The following TRAF1 variants were observed in gnomAD, a reference collection of about 807,000 sequenced individuals.
TRAF1 encodes the protein TNF receptor-associated factor 1.
Under a neutral mutation model 40.9 loss-of-function variants are expected in TRAF1, and 23 were observed. The observed-to-expected ratio is 0.56, with a 90% CI of 0.40 to 0.80. The LOEUF is 0.80. Among genes scored for constraint, TRAF1 ranks in the 30% least tolerant of loss-of-function variants. TRAF1 has a pLI of 0.00. For synonymous variants in TRAF1, 206 were observed against 218.8 expected (o/e 0.94, Z 0.52); for missense variants, 477 against 528.7 (o/e 0.90, Z 0.96).
chr9:120,926,819 CT>C (rs1477472090), upstream of TRAF1: 1 of 152,148 alleles, frequency 6.6e-6, no homozygotes, highest in Non-Finnish European at 1.5e-5. Flanking sequence ...CCACAGACTC[CT>C]CAGGGCCCTC....
intron 3 of TRAF1, among the ~76,000 whole-genome samples, chr9:120,915,677 A>T (rs998649274): frequency 1.5e-4 from 23 of 152,050 alleles, no homozygotes; most frequent in African/African-American, 4.8e-4. Context: ...ACTTAAAAAA[A>T]TTTTTTAATT....
chr9:120,924,539 C>G (rs1018682140), intron 2 of TRAF1, among the ~76,000 whole-genome samples: 1 of 152,170 alleles, frequency 6.6e-6, no homozygotes, highest in African/African-American at 2.4e-5. Context: ...CTTAGCCTCC[C>G]AAGTAGCTGG....
rs1416625848 is a variant in TRAF1 at position 120,904,722 on chromosome 9, G to A, written c.*298C>T. 2.4e-6 allele frequency: 1 copy of A among 414,624 alleles called. No individual in the cohort carries two copies. Among genetic ancestry groups the A allele is most frequent in the Non-Finnish European group, 4.4e-6 (1 of 225,206 alleles). 25.7% of individuals were successfully genotyped at this position (414,624 alleles called of 1,614,324 possible). On this transcript the variant is annotated 3_prime_UTR_variant, in exon 8 of 8. Coordinates refer to ENST00000373887, the MANE Select transcript of TRAF1 (RefSeq NM_005658.5). ...GTTCCATTTTCTTCTCATTTGGTGA[G>A]AGTCCACCTCAACATTCGGGGCCGG...
chr9:120,907,429 T>C (rs2046491439), intron 7 of TRAF1, among the ~76,000 whole-genome samples: 1 of 152,198 alleles, frequency 6.6e-6, no homozygotes, highest in Non-Finnish European at 1.5e-5. Flanking sequence ...TAGACATCCT[T>C]GTGCAGGTTT....
intron 3 of TRAF1, among the ~76,000 whole-genome samples, chr9:120,918,730 C>T (rs537393058): frequency 1.8e-4 from 27 of 152,286 alleles, no homozygotes; most frequent in Middle Eastern, 3.4e-3. Flanking sequence ...ATTAGAGTCA[C>T]CTTAACACAG....
upstream of TRAF1, chr9:120,928,916 C>T (rs2046657875): frequency 6.6e-6 from 1 of 152,442 alleles, no homozygotes; most frequent in Admixed American, 6.5e-5. Context: ...GAATGAGCCC[C>T]TGCGGGGCCG....
rs372324456 is a variant in TRAF1 at position 120,926,033 on chromosome 9, C to T, written c.43G>A (p.Glu15Lys). 4.3e-6 allele frequency: 7 copies of T among 1,611,276 alleles called. No homozygotes were observed. Among genetic ancestry groups the T allele is most frequent in the Non-Finnish European group, 5.1e-6 (6 of 1,178,622 alleles). Residue 15 changes from glutamate (E) to lysine (K), a missense_variant, in exon 2 of 8, where the codon GAG becomes AAG. Physicochemically the swap from Glu to Lys is moderately conservative, Grantham distance 56. Transcript: ENST00000373887. ...GGGCACCCAAAGGGAAACTCATTCT[C>T]ATCAGGGGCCGGGCGAGGACTGCTG... The part of the protein sequence containing the change: ...SGSSPRPAPD[E>K]NEFPFGCPPT...
At chr9:120,907,328 G>C (rs1304226461) in intron 7 of TRAF1, among the ~76,000 whole-genome samples, 2 of 152,174 alleles carry the variant, frequency 1.3e-5, no homozygotes, top group Non-Finnish European at 2.9e-5. Context: ...ATATTCCACT[G>C]TCTGGATGCA....
Position 120,922,173 on chromosome 9 carries a change from G to A in TRAF1, c.228+1532C>T, listed in dbSNP as rs1187445695. On this transcript the variant is annotated intron_variant, in intron 3 of 7. Coordinates refer to ENST00000373887, the MANE Select transcript of TRAF1 (RefSeq NM_005658.5). ...ACGAGACTCCTCTGCAGGTCTCAGG[G>A]CCCCGTGTGTAAACAAGAGGATTTG... Among the ~76,000 whole-genome samples, 2 of 152,212 alleles carry A rather than the reference G, an allele frequency of 1.3e-5. 1 individual carries two copies. Among genetic ancestry groups the A allele is most frequent in the Admixed American group, 1.3e-4 (2 of 15,282 alleles).
At chr9:120,914,201 G>C (rs1316825285) in intron 4 of TRAF1, 34 bp downstream of exon 4, 2 of 1,487,192 alleles carry the variant, frequency 1.3e-6, no homozygotes, top group South Asian at 2.8e-5. Flanking sequence ...GAACCATAGT[G>C]GATAGATCTC....
chr9:120,910,623 C>T (rs1311638751), intron 6 of TRAF1, among the ~76,000 whole-genome samples: 1 of 152,184 alleles, frequency 6.6e-6, no homozygotes, highest in Non-Finnish European at 1.5e-5. Context: ...TCTTGAACTC[C>T]TGGCCTCAAA....
chr9:120,927,223 G>T (rs1038576801), upstream of TRAF1: 1 of 152,164 alleles, frequency 6.6e-6, no homozygotes, highest in Admixed American at 6.5e-5. Context: ...CCCAGCTCTT[G>T]TCTCATCTAT....
At chr9:120,924,095 G>A (rs181833675) in intron 2 of TRAF1, among the ~76,000 whole-genome samples, 36 of 152,288 alleles carry the variant, frequency 2.4e-4, no homozygotes, top group Admixed American at 2.4e-3. Flanking sequence ...TAATGTGCTT[G>A]ATTACAGGGC....
intron 5 of TRAF1, among the ~76,000 whole-genome samples, chr9:120,912,421 C>A (rs2131623914): frequency 6.6e-6 from 1 of 152,234 alleles, no homozygotes; most frequent in African/African-American, 2.4e-5. Context: ...CTTTGGGAGG[C>A]CGAGGCAGGT....
intron 3 of TRAF1, among the ~76,000 whole-genome samples, chr9:120,917,034 C>T (rs939265522): frequency 1.0e-4 from 15 of 150,044 alleles, no homozygotes; most frequent in Admixed American, 7.9e-4. Flanking sequence ...AATGATCAAG[C>T]TAAGAGTGAA....
At position 120,903,311 on chromosome 9, in the gene TRAF1, C is replaced by T. The variant is rs1162722450; in HGVS notation, c.*1709G>A. The T allele has an allele frequency of 6.6e-6, 1 of 152,296 alleles. No individual in the cohort carries two copies. The highest frequency in any genetic ancestry group is 1.5e-5 in the Non-Finnish European group (1 of 68,110). The allele number at this position is 152,296 out of a possible 1,614,324, so 9.4% of individuals were successfully genotyped here. A position where few individuals can be genotyped will look rare whatever the true frequency, so the allele number is the denominator to read the frequency against. On this transcript the variant is annotated 3_prime_UTR_variant, in exon 8 of 8. Coordinates refer to ENST00000373887, the MANE Select transcript of TRAF1 (RefSeq NM_005658.5). ...TATTGCAGTTGGGCCTCCTGAAAAC[C>T]CCTAGAGCTGGAGAGGGCAAGGGAG...
intron 3 of TRAF1, among the ~76,000 whole-genome samples, chr9:120,922,997 C>A (rs907796282): frequency 1.3e-5 from 2 of 152,172 alleles, no homozygotes; most frequent in South Asian, 4.2e-4. Flanking sequence ...TGCCACCATG[C>A]CAGGTTAGTT....
At chr9:120,915,048 C>A in intron 3 of TRAF1, among the ~76,000 whole-genome samples, 1 of 152,230 alleles carries the variant, frequency 6.6e-6, no homozygotes, top group East Asian at 1.9e-4. Context: ...CCAAGGAGGC[C>A]GAGCTGGGAG....
In TRAF1 at chr9:120,905,171, C is replaced by G; in HGVS notation, c.1100G>C (p.Ser367Thr). Residue 367 changes from serine (S) to threonine (T), a missense_variant, in exon 8 of 8, where the codon AGC becomes ACC. By Grantham distance (58) the Ser-to-Thr change is moderately conservative. Coordinates refer to ENST00000373887, the MANE Select transcript of TRAF1 (RefSeq NM_005658.5). Reference sequence around the variant, plus strand: ...CTGGGGCCTCTGGAAGGACGCTGAGCTTAGGTCAGGCCGGAAGGCGTCAAT... The same window carrying G: ...CTGGGGCCTCTGGAAGGACGCTGAGGTTAGGTCAGGCCGGAAGGCGTCAAT... ...HAIDAFRPDL[S>T]SASFQRPQSE... is the part of the protein sequence containing the mutation. 1 of 1,614,200 alleles carries G rather than the reference C, an allele frequency of 6.2e-7. No homozygotes were observed. The highest frequency in any genetic ancestry group is 8.5e-7 in the Non-Finnish European group (1 of 1,180,020).
Sources: allele counts gnomAD v4.1 joint callset (sites outside exome capture counted in the v4.1 genomes callset), GRCh38; gene constraint gnomAD v4.1.1; transcripts MANE v1.5; gene names NCBI Gene and HGNC (gene_info 2026-07-23, HGNC 2026-07-21).